USP26: variants seen among roughly 807,000 people sequenced by gnomAD.
USP26 encodes ubiquitin carboxyl-terminal hydrolase 26.
For synonymous variants in USP26, 236 were observed against 240.6 expected (o/e 0.98, Z 0.18); for missense variants, 649 against 642.3 (o/e 1.01, Z -0.11).
At position 133,088,947 on chromosome X, in the gene USP26, T is replaced by G. The variant is rs938802066; in HGVS notation, c.-142+1166A>C. Among the ~76,000 whole-genome samples the G allele has an allele frequency of 1.2e-4, 13 of 110,475 alleles. 1 individual carries two copies. Among genetic ancestry groups the G allele is most frequent in the Non-Finnish European group, 2.5e-4 (13 of 52,814 alleles). On this transcript the variant is annotated intron_variant, in intron 4 of 5. Coordinates refer to ENST00000511190, the MANE Select transcript of USP26 (RefSeq NM_031907.3). ...CATTAAGTGGTTTTAGGTAGAGTTT[T>G]TTTTTTTTTTTCTAAATAACTCTGG... is the stretch of plus-strand genomic sequence containing the variant.
At chrX:133,053,166 A>T (rs2067465119) in intron 5 of USP26, among the ~76,000 whole-genome samples, 2 of 112,069 alleles carry the variant, frequency 1.8e-5, no homozygotes, top group Admixed American at 1.9e-4. Flanking sequence ...GAAGCCCATG[A>T]CATAAGTATA....
chrX:133,025,176 A>G lies in USP26; in HGVS notation c.*303T>C. 3.4e-6 allele frequency: 1 copy of G among 290,196 alleles called. No homozygotes were observed. The allele number at this position is 290,196 out of a possible 1,213,427, so 23.9% of individuals were successfully genotyped here. ...TGAGGCTGCAGTGAGTTATTATTGA[A>G]GGACTGCACTCTAGCCAGGATGACA... On this transcript the variant is annotated 3_prime_UTR_variant, in exon 6 of 6. Transcript: ENST00000511190.
intron 5 of USP26, among the ~76,000 whole-genome samples, chrX:133,071,237 A>G (rs777052108): frequency 1.1e-4 from 12 of 110,450 alleles, no homozygotes; most frequent in Non-Finnish European, 2.1e-4. Context: ...TAATAATAAT[A>G]CATAAATAAA....
chrX:133,030,281 A>G (rs1311680893), intron 5 of USP26, among the ~76,000 whole-genome samples: 3 of 111,523 alleles, frequency 2.7e-5, no homozygotes, highest in Admixed American at 1.9e-4. Flanking sequence ...ACAAAACTGT[A>G]CCACTTCTGT....
intron 5 of USP26, among the ~76,000 whole-genome samples, chrX:133,044,573 C>T (rs751507328): frequency 1.3e-4 from 15 of 113,291 alleles, no homozygotes; most frequent in Middle Eastern, 4.6e-3. Context: ...GGCCCACTGG[C>T]GGTGCGCTCG....
intron 5 of USP26, among the ~76,000 whole-genome samples, chrX:133,048,747 C>T (rs1481890431): frequency 1.8e-5 from 2 of 111,373 alleles, no homozygotes; most frequent in African/African-American, 3.3e-5. Flanking sequence ...GGGGTTTCAC[C>T]GTGTTAGCCA....
intron 5 of USP26, among the ~76,000 whole-genome samples, chrX:133,074,813 A>C (rs2067542284): frequency 8.9e-6 from 1 of 112,280 alleles, no homozygotes; most frequent in African/African-American, 3.2e-5. Flanking sequence ...TTTATTTCTC[A>C]TTCAAATGCA....
At chrX:133,088,068 G>C (rs1206255842) in intron 4 of USP26, among the ~76,000 whole-genome samples, 5 of 111,760 alleles carry the variant, frequency 4.5e-5, no homozygotes, top group Non-Finnish European at 9.4e-5. Flanking sequence ...TACTCAGGGG[G>C]CTGAGGCATG....
At chrX:133,061,934 A>G (rs1000679198) in intron 5 of USP26, among the ~76,000 whole-genome samples, 1 of 111,042 alleles carries the variant, frequency 9.0e-6, no homozygotes, top group Non-Finnish European at 1.9e-5. Flanking sequence ...GCGAGACAGA[A>G]CCATTCATTC....
intron 5 of USP26, among the ~76,000 whole-genome samples, chrX:133,047,742 C>A (rs1249074421): frequency 1.8e-5 from 2 of 111,439 alleles, no homozygotes; most frequent in Non-Finnish European, 3.8e-5. Context: ...TTAAAGAGAT[C>A]ACAGAGAACT....
chrX:133,086,731 G>A (rs2067590587), intron 4 of USP26, among the ~76,000 whole-genome samples: 1 of 110,006 alleles, frequency 9.1e-6, no homozygotes, highest in African/African-American at 3.3e-5. Flanking sequence ...GACCAACATG[G>A]TGAAACGCCA....
At chrX:133,093,193 G>A (rs1318681251) in intron 1 of USP26, among the ~76,000 whole-genome samples, 1 of 111,424 alleles carries the variant, frequency 9.0e-6, no homozygotes, top group East Asian at 2.8e-4. Flanking sequence ...GGATGAGGTG[G>A]GGGGATCACT....
chrX:133,079,085 T>C (rs1400246931), intron 5 of USP26, among the ~76,000 whole-genome samples: 1 of 111,898 alleles, frequency 8.9e-6, no homozygotes, highest in Non-Finnish European at 1.9e-5. Context: ...ATCAAAACTA[T>C]TCTATCATGA....
intron 5 of USP26, among the ~76,000 whole-genome samples, chrX:133,064,058 A>G (rs1207415025): frequency 8.9e-6 from 1 of 112,241 alleles, no homozygotes; most frequent in Non-Finnish European, 1.9e-5. Context: ...ATGGAAAGCA[A>G]AAAAAGCAGG....
intron 5 of USP26, among the ~76,000 whole-genome samples, chrX:133,040,789 C>T (rs2067416211): frequency 9.0e-6 from 1 of 111,366 alleles, no homozygotes; most frequent in African/African-American, 3.3e-5. Context: ...AGTGTGTTTT[C>T]CGACTTGGTT....
Position 133,046,074 on chromosome X carries a change from C to A in USP26, c.-76-17778G>T, listed in dbSNP as rs910049920. ...CCTACAAGGATTCCTTGGTACTTAT[C>A]CTTCTATCAATGTCCTCATCCCCAA... On this transcript the variant is annotated intron_variant, in intron 5 of 5. Transcript: ENST00000511190. The A allele has an allele frequency of 6.3e-5, 7 of 111,578 alleles. No individual in the cohort carries two copies. The East Asian group carries it at 2.0e-3, about 32-fold the overall frequency. 9.2% of individuals were successfully genotyped at this position (111,578 alleles called of 1,213,427 possible).
At chrX:133,030,478 C>T (rs1365703245) in intron 5 of USP26, among the ~76,000 whole-genome samples, 1 of 112,283 alleles carries the variant, frequency 8.9e-6, no homozygotes, top group Non-Finnish European at 1.9e-5. Flanking sequence ...AGTATCTGCT[C>T]AATGTTGGGT....
chrX:133,061,778 G>A (rs1389248079), intron 5 of USP26, among the ~76,000 whole-genome samples: 2 of 111,581 alleles, frequency 1.8e-5, no homozygotes, highest in African/African-American at 6.5e-5. Context: ...TTTTCCCAGG[G>A]TTTCTGCAAT....
At position 133,023,586 on chromosome X, in the gene USP26, AG is replaced by A. The variant is rs1395636296; in HGVS notation, c.*1892del. Among the ~76,000 whole-genome samples, 1 of 111,850 alleles carries A rather than the reference AG, an allele frequency of 8.9e-6. No homozygotes were observed. The highest frequency in any genetic ancestry group is 1.9e-5 in the Non-Finnish European group (1 of 53,244). On this transcript the variant is annotated 3_prime_UTR_variant, in exon 6 of 6. Coordinates refer to ENST00000511190, the MANE Select transcript of USP26 (RefSeq NM_031907.3). The stretch of plus-strand genomic sequence containing the variant: ...TATCCTTCAGCTGCTGAAGTACTAC[AG>A]AAGTTGAACAATCACTCATTGTGTC...
Sources: allele counts gnomAD v4.1 joint callset (sites outside exome capture counted in the v4.1 genomes callset), GRCh38; gene constraint gnomAD v4.1.1; transcripts MANE v1.5; gene names NCBI Gene and HGNC (gene_info 2026-07-23, HGNC 2026-07-21).